KLF13: variants seen among roughly 807,000 people sequenced by gnomAD.
KLF13 encodes the protein KLF transcription factor 13, also known as Krueppel-like factor 13.
Under a neutral mutation model 16.7 loss-of-function variants are expected in KLF13, and 8 were observed. The observed-to-expected ratio is 0.48, with a 90% CI of 0.28 to 0.87. KLF13 has a LOEUF of 0.87. Ranked by LOEUF, KLF13 falls within the 40% of genes least tolerant of loss-of-function variation. The probability of loss-of-function intolerance (pLI) is 0.10; values close to 1 mark genes in which losing one functional copy is unlikely to be tolerated. For missense variants in KLF13, 447 were observed against 452.2 expected, an observed-to-expected ratio of 0.99 and a Z score of 0.10; for synonymous variants, 245 against 208.4, an observed-to-expected ratio of 1.18 and a Z score of -1.51.
At position 31,361,696 on chromosome 15, in the gene KLF13, C is replaced by T. The variant is rs550518078; in HGVS notation, c.578-10314C>T. Reference sequence around the variant, plus strand: ...TTGCCTAGAGAGCCGGCTGGGAGCACGGGCACCTGGGGTGCAGAGCTGGGG... The same window carrying T: ...TTGCCTAGAGAGCCGGCTGGGAGCATGGGCACCTGGGGTGCAGAGCTGGGG... On this transcript the variant is annotated intron_variant, in intron 1 of 1. Transcript: ENST00000307145. Among the ~76,000 whole-genome samples the T allele has an allele frequency of 1.6e-3, 237 of 152,148 alleles. 1 individual carries two copies. Among genetic ancestry groups the T allele is most frequent in the African/African-American group, 5.3e-3 (221 of 41,502 alleles).
chr15:31,376,814 C>T lies in KLF13; in HGVS notation c.*4515C>T, dbSNP rs2039654029. 6.6e-6 allele frequency: 1 copy of T among 152,646 alleles called. No individual in the cohort carries two copies. Among genetic ancestry groups the T allele is most frequent in the African/African-American group, 2.4e-5 (1 of 41,450 alleles). 9.5% of individuals were successfully genotyped at this position (152,646 alleles called of 1,614,324 possible). ...GTCGCGCTTGGTTTCTACTGACCCC[C>T]ATGAAGATTTCAGACTTGCAGTGCG... On this transcript the variant is annotated 3_prime_UTR_variant, in exon 2 of 2. Coordinates refer to ENST00000307145, the MANE Select transcript of KLF13 (RefSeq NM_015995.4).
chr15:31,336,914 C>G (rs2038938548), intron 1 of KLF13, among the ~76,000 whole-genome samples: 1 of 152,174 alleles, frequency 6.6e-6, no homozygotes, highest in Admixed American at 6.5e-5. Flanking sequence ...AACACATTTT[C>G]AGGGACCAGG....
At chr15:31,348,897 C>T (rs1250472307) in intron 1 of KLF13, among the ~76,000 whole-genome samples, 2 of 152,178 alleles carry the variant, frequency 1.3e-5, no homozygotes, top group African/African-American at 4.8e-5. Context: ...TGTCTTCTTA[C>T]TATAATGTCA....
In KLF13 at chr15:31,375,902, C is replaced by T. The variant is rs2039636466; in HGVS notation, c.*3603C>T. 1 of 152,292 alleles carries T rather than the reference C, an allele frequency of 6.6e-6. No individual in the cohort carries two copies. Among genetic ancestry groups the T allele is most frequent in the South Asian group, 2.1e-4 (1 of 4,834 alleles). 9.4% of individuals were successfully genotyped at this position (152,292 alleles called of 1,614,324 possible). A position where few individuals can be genotyped will look rare whatever the true frequency, so the allele number is the denominator to read the frequency against. On this transcript the variant is annotated 3_prime_UTR_variant, in exon 2 of 2. Transcript: ENST00000307145. Reference sequence around the variant, plus strand: ...AAGATCGCCTCACTCCTAACCCTGACTTTATTCCCAGGCCCCACACCGAGG... The same window carrying T: ...AAGATCGCCTCACTCCTAACCCTGATTTTATTCCCAGGCCCCACACCGAGG...
At chr15:31,418,807 T>A (rs2040287126) in intron 1 of KLF13, among the ~76,000 whole-genome samples, 1 of 152,178 alleles carries the variant, frequency 6.6e-6, no homozygotes, top group South Asian at 2.1e-4. Context: ...GAATGAGTAA[T>A]TTATAATGAA....
intron 1 of KLF13, among the ~76,000 whole-genome samples, chr15:31,371,232 G>C (rs144318499): frequency 7.5e-4 from 114 of 152,318 alleles, no homozygotes; most frequent in African/African-American, 2.5e-3. Context: ...TGAGGGATGG[G>C]AAGGAGGGAG....
intron 1 of KLF13, among the ~76,000 whole-genome samples, chr15:31,328,515 G>T (rs1410880028): frequency 6.6e-6 from 1 of 151,912 alleles, no homozygotes; most frequent in African/African-American, 2.4e-5. Flanking sequence ...CGGCCTCGAG[G>T]CTCTCTCCGG....
At chr15:31,339,484 A>G (rs577589116) in intron 1 of KLF13, among the ~76,000 whole-genome samples, 19 of 152,318 alleles carry the variant, frequency 1.2e-4, no homozygotes, top group Non-Finnish European at 2.4e-4. Context: ...GCCACGATCC[A>G]GGGACCAGGC....
intron 1 of KLF13, among the ~76,000 whole-genome samples, chr15:31,346,418 C>G (rs192487496): frequency 2.0e-4 from 31 of 152,312 alleles, no homozygotes; most frequent in African/African-American, 7.5e-4. Flanking sequence ...ATGGACCCCC[C>G]ACCGCTGTTA....
At chr15:31,335,479 G>GTGTGTGTGTGT (rs1555373645) in intron 1 of KLF13, among the ~76,000 whole-genome samples, 1 of 139,654 alleles carries the variant, frequency 7.2e-6, no homozygotes, top group African/African-American at 2.6e-5. Flanking sequence ...GTGTGTGTAT[G>GTGTGTGTGTGT]GTGGCGGGGC....
intron 1 of KLF13, among the ~76,000 whole-genome samples, chr15:31,350,290 C>T (rs545843108): frequency 6.6e-6 from 1 of 152,328 alleles, no homozygotes; most frequent in Non-Finnish European, 1.5e-5. Context: ...CGAGCAGGCC[C>T]CCCAGCGTGC....
chr15:31,395,729 C>G (rs1367729266), intron 2 of KLF13, among the ~76,000 whole-genome samples: 2 of 152,014 alleles, frequency 1.3e-5, no homozygotes, highest in African/African-American at 4.8e-5. Flanking sequence ...TGCATTTCCC[C>G]GATGGCAACA....
At chr15:31,422,132 C>CAAAA (rs72041709) in intron 1 of KLF13, among the ~76,000 whole-genome samples, 69 of 77,686 alleles carry the variant, frequency 8.9e-4, no homozygotes, top group Admixed American at 1.0e-3. Flanking sequence ...AACAAACAAA[C>CAAAA]AAAAAAAAAA....
At chr15:31,379,928 T>C (rs1007720750), downstream of KLF13, among the ~76,000 whole-genome samples, 1 of 152,116 alleles carries the variant, frequency 6.6e-6, no homozygotes, top group African/African-American at 2.4e-5. Flanking sequence ...AGGGGAAGCA[T>C]CTGGTGGAGG....
intron 1 of KLF13, among the ~76,000 whole-genome samples, chr15:31,366,834 C>G (rs911460096): frequency 2.1e-4 from 31 of 150,838 alleles, no homozygotes; most frequent in African/African-American, 7.3e-4. Context: ...AGGACACTCG[C>G]AGGTGCCTCA....
At chr15:31,336,688 A>G (rs542467454) in intron 1 of KLF13, among the ~76,000 whole-genome samples, 2 of 152,188 alleles carry the variant, frequency 1.3e-5, no homozygotes, top group Non-Finnish European at 2.9e-5. Flanking sequence ...GAGATTGGAA[A>G]TAGAGCGAAG....
intron 1 of KLF13, among the ~76,000 whole-genome samples, chr15:31,371,049 G>T (rs1488817048): frequency 1.3e-5 from 2 of 152,118 alleles, no homozygotes; most frequent in African/African-American, 4.8e-5. Context: ...GAGGGGATGA[G>T]ACCGTGTAGG....
At chr15:31,425,149 A>T (rs1377426750) in intron 1 of KLF13, among the ~76,000 whole-genome samples, 2 of 152,192 alleles carry the variant, frequency 1.3e-5, no homozygotes, top group Admixed American at 6.5e-5. Flanking sequence ...ATATAAATGC[A>T]TGTAAAGATA....
chr15:31,389,492 C>A (rs139800027), upstream of KLF13, among the ~76,000 whole-genome samples: 2 of 152,192 alleles, frequency 1.3e-5, no homozygotes, highest in Non-Finnish European at 2.9e-5. Context: ...ACCCTCTGCA[C>A]CTTCTCCCTC....
Sources: allele counts gnomAD v4.1 joint callset (sites outside exome capture counted in the v4.1 genomes callset), GRCh38; gene constraint gnomAD v4.1.1; transcripts MANE v1.5; gene names NCBI Gene and HGNC (gene_info 2026-07-23, HGNC 2026-07-21).